Variants in FBN1 observed in about 807,000 individuals in gnomAD.
FBN1 encodes fibrillin-1.
In FBN1, 29 loss-of-function variants were observed where a neutral mutation model predicts 365.1. That is an observed-to-expected ratio of 0.08 (90% CI 0.06 to 0.11). The LOEUF (loss-of-function observed/expected upper bound fraction) is 0.11, where lower values mean the gene tolerates loss of function less well. Ranked by LOEUF, FBN1 falls within the 10% of genes least tolerant of loss-of-function variation. The pLI, the probability that FBN1 is intolerant of heterozygous loss-of-function variation, is 1.00. For missense variants in FBN1, 2,476 were observed against 3,703.2 expected (o/e 0.67, Z 8.60); for synonymous variants, 1,210 against 1,270.5 (o/e 0.95, Z 1.01).
At chr15:48,452,826 T>G in intron 44 of FBN1, 142 bp from the exon 45 acceptor site, 4 of 963,256 alleles carry the variant, frequency 4.2e-6, no homozygotes, top group Non-Finnish European at 6.4e-6. Context: ...GCAGCTTTAT[T>G]TATTGCCAGA....
In FBN1 at chr15:48,421,580, A is replaced by G. The variant is rs182358927; in HGVS notation, c.7677T>C (p.Asp2559=). The change falls in exon 62 of 66, where the codon GAT becomes GAC. Residue 2559 remains aspartate, a synonymous_variant. Coordinates refer to ENST00000316623, the MANE Select transcript of FBN1 (RefSeq NM_000138.5). ...TCECQRGFSL[D]QTGSSCEDVD... ...CACCTTCACAGCTGGAGCCGGTCTG[A>G]TCAAGTGAGAATCCCCGCTGGCATT... 73 of 1,613,436 alleles carry G rather than the reference A, an allele frequency of 4.5e-5. No individual in the cohort carries two copies. The highest frequency in any genetic ancestry group is 6.1e-5 in the Non-Finnish European group (72 of 1,179,888).
Position 48,419,504 on chromosome 15 carries a change from A to C in FBN1, c.7819+1183T>G, listed in dbSNP as rs535068052. 7.9e-5 allele frequency among the ~76,000 whole-genome samples: 12 copies of C among 152,322 alleles called. No individual in the cohort carries two copies. In the South Asian group the frequency reaches 2.3e-3, roughly 29 times the overall value. The stretch of plus-strand genomic sequence containing the variant: ...ATGTCAGAAACTGGTGATTAAAATC[A>C]AAGACCTCCCTGAGCTGCTAATGAA... On this transcript the variant is annotated intron_variant, in intron 63 of 65. Transcript: ENST00000316623.
In FBN1 at chr15:48,421,597, G is replaced by A. The variant is rs369294972; in HGVS notation, c.7660C>T (p.Arg2554Trp). The change falls in exon 62 of 66, where the codon CGG becomes TGG. Residue 2554 changes from arginine to tryptophan, a missense_variant. Physicochemically the swap from Arg to Trp is moderately radical, Grantham distance 101. Around this residue, in one of 5 missense-constraint regions of FBN1, gnomAD observed 1,780 missense variants for 2,840.8 expected, o/e 0.63. Coordinates refer to ENST00000316623, the MANE Select transcript of FBN1 (RefSeq NM_000138.5). ...CCGGTCTGATCAAGTGAGAATCCCC[G>A]CTGGCATTCACAGGTGAAGCTTCCA... ...TPGSFTCECQ[R>W]GFSLDQTGSS... The A allele has an allele frequency of 8.1e-5, 130 of 1,613,598 alleles. No individual in the cohort carries two copies. The highest frequency in any genetic ancestry group is 1.1e-4 in the Non-Finnish European group (125 of 1,179,954).
At chr15:48,586,973 T>TA (rs1224063204) in intron 6 of FBN1, among the ~76,000 whole-genome samples, 5 of 152,068 alleles carry the variant, frequency 3.3e-5, no homozygotes, top group African/African-American at 9.7e-5. Flanking sequence ...TTAAACTAAG[T>TA]AAAAACAGTT....
At chr15:48,482,847 C>T (rs2043475867) in intron 31 of FBN1, among the ~76,000 whole-genome samples, 1 of 152,154 alleles carries the variant, frequency 6.6e-6, no homozygotes. Flanking sequence ...CTGTTCCCAC[C>T]AGCCTGACTG....
At chr15:48,499,471 C>G (rs893568594) in intron 17 of FBN1, among the ~76,000 whole-genome samples, 2 of 152,176 alleles carry the variant, frequency 1.3e-5, no homozygotes, top group Admixed American at 6.5e-5. Flanking sequence ...AACATTTCCT[C>G]ATTTCTCTCT....
chr15:48,608,544 C>T (rs746565757), intron 4 of FBN1, among the ~76,000 whole-genome samples: 2 of 152,180 alleles, frequency 1.3e-5, no homozygotes, highest in Admixed American at 1.3e-4. Context: ...TTTAATTTTG[C>T]AAGCCATTTA....
At chr15:48,566,987 T>C (rs1007383125) in intron 6 of FBN1, among the ~76,000 whole-genome samples, 4 of 152,188 alleles carry the variant, frequency 2.6e-5, no homozygotes, top group Non-Finnish European at 4.4e-5. Flanking sequence ...GGGAGTTTGA[T>C]GGAAATGCAG....
chr15:48,631,561 C>A (rs1290917345), intron 2 of FBN1, among the ~76,000 whole-genome samples: 2 of 152,210 alleles, frequency 1.3e-5, no homozygotes, highest in African/African-American at 4.8e-5. Context: ...ATGGTTCAGG[C>A]AGGACTAACA....
intron 6 of FBN1, among the ~76,000 whole-genome samples, chr15:48,588,537 A>C (rs2140699662): frequency 6.6e-6 from 1 of 152,354 alleles, no homozygotes. Flanking sequence ...TTGAAGATGA[A>C]ACCATGACAC....
intron 32 of FBN1, among the ~76,000 whole-genome samples, chr15:48,476,255 G>A (rs1489362410): frequency 6.6e-6 from 1 of 152,198 alleles, no homozygotes; most frequent in Non-Finnish European, 1.5e-5. Flanking sequence ...TCAGGTAATT[G>A]CTCCCCTCAG....
At chr15:48,585,388 C>T (rs1354891473) in intron 6 of FBN1, among the ~76,000 whole-genome samples, 1 of 152,190 alleles carries the variant, frequency 6.6e-6, no homozygotes, top group Non-Finnish European at 1.5e-5. Context: ...GGGAATATGG[C>T]AGGAAAGTTG....
rs1410919430 is a variant in FBN1, at chr15:48,437,661, C to T, written c.6313+107G>A. The T allele has an allele frequency of 2.4e-5, 29 of 1,192,822 alleles. 1 individual carries two copies. In the South Asian group the frequency reaches 3.0e-4, roughly 13 times the overall value. 73.9% of individuals were successfully genotyped at this position (1,192,822 alleles called of 1,614,324 possible). ...TTAATGAACATTCTAATTAGACTTA[C>T]AATTAAATTAAATTGTGTTACTGTC... On this transcript the variant is annotated intron_variant, in intron 51 of 65. Coordinates refer to ENST00000316623, the MANE Select transcript of FBN1 (RefSeq NM_000138.5).
chr15:48,502,294 C>T (rs895317302), intron 17 of FBN1, among the ~76,000 whole-genome samples: 7 of 152,194 alleles, frequency 4.6e-5, no homozygotes, highest in African/African-American at 1.7e-4. Context: ...GATACACCTG[C>T]CTTGGCCTCC....
intron 6 of FBN1, among the ~76,000 whole-genome samples, chr15:48,568,818 T>G (rs909727951): frequency 4.6e-5 from 7 of 152,002 alleles, no homozygotes; most frequent in Non-Finnish European, 7.4e-5. Flanking sequence ...GACCCTCACC[T>G]CACACCATAT....
chr15:48,624,046 G>A (rs1405699220), intron 2 of FBN1, among the ~76,000 whole-genome samples: 3 of 151,510 alleles, frequency 2.0e-5, no homozygotes, highest in South Asian at 2.1e-4. Flanking sequence ...GCAGTTCCTC[G>A]GATCTGGGAC....
At chr15:48,506,765 C>T (rs1050163334) in intron 15 of FBN1, among the ~76,000 whole-genome samples, 3 of 152,132 alleles carry the variant, frequency 2.0e-5, no homozygotes, top group African/African-American at 7.2e-5. Flanking sequence ...AAATCTTACC[C>T]TATGGCATAA....
intron 6 of FBN1, among the ~76,000 whole-genome samples, chr15:48,559,112 A>G (rs1169617464): frequency 2.0e-5 from 3 of 152,218 alleles, no homozygotes; most frequent in Non-Finnish European, 4.4e-5. Context: ...CTTAGAAATC[A>G]GCTGCTACTA....
chr15:48,601,660 A>AAC (rs1257815111), intron 4 of FBN1, among the ~76,000 whole-genome samples: 13 of 152,202 alleles, frequency 8.5e-5, no homozygotes, highest in Admixed American at 4.6e-4. Flanking sequence ...CAGCCACGGT[A>AAC]TTGAAAAGTG....
Sources: gnomAD v4.1 joint callset for allele counts (sites outside exome capture counted in the v4.1 genomes callset) on GRCh38, gnomAD v4.1.1 for gene constraint, gnomAD v4.1.1 regional missense constraint, MANE v1.5 for transcripts, NCBI Gene and HGNC (gene_info 2026-07-23, HGNC 2026-07-21) for gene names.